The following TRMT13 variants were observed in gnomAD, a reference collection of about 807,000 sequenced individuals.
The protein encoded by TRMT13 is tRNA:m(4)X modification enzyme TRM13 homolog.
A neutral mutation model predicts 55.9 loss-of-function variants in TRMT13; 45 were observed. The observed-to-expected ratio is 0.80, with a 90% CI of 0.63 to 1.03. The LOEUF (loss-of-function observed/expected upper bound fraction) is 1.03, where lower values mean the gene tolerates loss of function less well. TRMT13 is among the 50% of genes least tolerant of loss of function. The probability of loss-of-function intolerance (pLI) is 0.00; values close to 1 mark genes in which losing one functional copy is unlikely to be tolerated. For synonymous variants in TRMT13, 183 were observed against 196.3 expected (o/e 0.93, Z 0.57); for missense variants, 513 against 563.9 (o/e 0.91, Z 0.91).
At position 100,149,363 on chromosome 1, in the gene TRMT13, C is replaced by A; in HGVS notation, c.*543C>A. On this transcript the variant is annotated 3_prime_UTR_variant, in exon 11 of 11. Transcript: ENST00000370141. ...AATAAACACAATTAATTAATGAAGT[C>A]ACCTTCAAATTTCCAGAGCCATACA... 6.5e-7 allele frequency: 1 copy of A among 1,543,324 alleles called. No individual in the cohort carries two copies. The highest frequency in any genetic ancestry group is 1.2e-5 in the South Asian group (1 of 81,582).
intron 1 of TRMT13, among the ~76,000 whole-genome samples, chr1:100,135,724 T>C (rs1001554546): frequency 2.6e-5 from 4 of 152,204 alleles, no homozygotes; most frequent in Non-Finnish European, 5.9e-5. Context: ...TTAACTGTTA[T>C]ATGACCCCTA....
intron 7 of TRMT13, among the ~76,000 whole-genome samples, chr1:100,142,585 G>A (rs1039958309): frequency 8.5e-5 from 13 of 152,190 alleles, no homozygotes; most frequent in African/African-American, 3.1e-4. Context: ...AGGAATGAAG[G>A]AGGCACAAGA....
chr1:100,133,311 C>T lies in TRMT13; in HGVS notation c.143C>T (p.Ala48Val), dbSNP rs687513. 0.84 allele frequency: 1,352,917 copies of T among 1,612,780 alleles called. 574,372 individuals are homozygous for T. The highest frequency in any genetic ancestry group is 0.94 in the East Asian group (42,306 of 44,784). Residue 48 changes from alanine to valine, a missense_variant, in exon 1 of 11, where the codon GCG becomes GTG. By Grantham distance (64) the Ala-to-Val change is moderately conservative. This residue lies in a region of TRMT13 where 298 missense variants were observed against 290.3 expected (regional missense o/e 1.03). Transcript: ENST00000370141. The part of the protein sequence containing the change: ...KRFCGEHAGA[A>V]EEEDARKRIL... ...TTTTGTGGTGAACACGCTGGAGCCG[C>T]GGAGGTGTGGTATCGCCCTACTCTC...
At chr1:100,136,818 T>G in intron 1 of TRMT13, 64 bp from the exon 2 acceptor site, 1 of 1,332,088 alleles carries the variant, frequency 7.5e-7, no homozygotes, top group Non-Finnish European at 1.0e-6. Context: ...TGAAGTTATA[T>G]CTGGTATCTG....
At chr1:100,143,939 T>G in intron 8 of TRMT13, 130 bp from the exon 9 acceptor site, 1 of 707,716 alleles carries the variant, frequency 1.4e-6, no homozygotes. Flanking sequence ...TTGGGTTCCA[T>G]AAAGTGATAA....
Position 100,148,255 on chromosome 1 carries a change from G to A in TRMT13, c.1179G>A (p.Gln393=). 6.2e-7 allele frequency: 1 copy of A among 1,614,158 alleles called. No homozygotes were observed. The highest frequency in any genetic ancestry group is 8.5e-7 in the Non-Finnish European group (1 of 1,180,026). The change falls in exon 10 of 11, where the codon CAG becomes CAA. Residue 393 remains glutamine (Q), a synonymous_variant. Transcript: ENST00000370141. ...GTACCACAAAGAGGCAAGATAATCA[G>A]AATGATGATAGTGAAGAGCATGATG... ...SNSTTKRQDN[Q]NDDSEEHDDG...
chr1:100,141,070 T>C (rs772078189), intron 7 of TRMT13, 51 bp downstream of exon 7: 18 of 1,457,154 alleles, frequency 1.2e-5, no homozygotes, highest in Non-Finnish European at 1.6e-5. Context: ...TTTCATTTTT[T>C]GTATTCAGGA....
Position 100,133,203 on chromosome 1 carries a change from G to T in TRMT13, c.35G>T (p.Gly12Val). ...TCCGCGACGTCGCCGCACGCGCCTG[G>T]TTTTCCAGCTGAGGGTAGATGCGGT... Reference protein sequence around the residue: ...ATSATSPHAPGFPAEGRCGYY... With the variant: ...ATSATSPHAPVFPAEGRCGYY... The change falls in exon 1 of 11, where the codon GGT (glycine) becomes GTT (valine). Residue 12 changes from glycine to valine, a missense_variant. Coordinates refer to ENST00000370141, the MANE Select transcript of TRMT13 (RefSeq NM_019083.3). The T allele has an allele frequency of 6.2e-7, 1 of 1,614,180 alleles. No homozygotes were observed. Among genetic ancestry groups the T allele is most frequent in the Non-Finnish European group, 8.5e-7 (1 of 1,180,024 alleles).
chr1:100,146,107 A>T (rs372999436), intron 9 of TRMT13, among the ~76,000 whole-genome samples: 1 of 152,022 alleles, frequency 6.6e-6, no homozygotes, highest in South Asian at 2.1e-4. Context: ...TTTCACCCCC[A>T]TTCACCTACT....
At chr1:100,143,252 C>A in intron 8 of TRMT13, 43 bp downstream of exon 8, 2 of 1,300,606 alleles carry the variant, frequency 1.5e-6, no homozygotes, top group Non-Finnish European at 1.1e-6. Flanking sequence ...TAAATCATAA[C>A]TGTTTTAAAC....
intron 1 of TRMT13, among the ~76,000 whole-genome samples, chr1:100,133,786 C>T (rs1466047326): frequency 6.6e-6 from 1 of 152,180 alleles, no homozygotes; most frequent in South Asian, 2.1e-4. Context: ...TGGCTCACGC[C>T]TGTAATCCCA....
chr1:100,149,865 A>C lies in TRMT13; in HGVS notation c.*1045A>C, dbSNP rs1338308815. On this transcript the variant is annotated 3_prime_UTR_variant, in exon 11 of 11. Coordinates refer to ENST00000370141, the MANE Select transcript of TRMT13 (RefSeq NM_019083.3). ...CCAAGACAAAGGTTCAGAATTACTAATTTTAGATATTATGATATTCTGAAA... is the reference window on the plus strand; with the variant it reads ...CCAAGACAAAGGTTCAGAATTACTACTTTTAGATATTATGATATTCTGAAA... 6.5e-6 allele frequency: 1 copy of C among 154,692 alleles called. No individual in the cohort carries two copies. Among genetic ancestry groups the C allele is most frequent in the African/African-American group, 2.4e-5 (1 of 41,468 alleles). 9.6% of individuals were successfully genotyped at this position (154,692 alleles called of 1,614,324 possible).
chr1:100,133,276 A>C lies in TRMT13; in HGVS notation c.108A>C (p.Ala36=), dbSNP rs1655275146. The C allele has an allele frequency of 6.2e-7, 1 of 1,613,898 alleles. No individual in the cohort carries two copies. Among genetic ancestry groups the C allele is most frequent in the Non-Finnish European group, 8.5e-7 (1 of 1,179,944 alleles). Residue 36 remains alanine (A), a synonymous_variant, in exon 1 of 11, where the codon GCA becomes GCC. Transcript: ENST00000370141. ...GGTTCTGCAGGATGGTGGTGGCCGCAGGGAAAAGATTTTGTGGTGAACACG... is the reference window on the plus strand; with the variant it reads ...GGTTCTGCAGGATGGTGGTGGCCGCCGGGAAAAGATTTTGTGGTGAACACG... ...KKRFCRMVVA[A]GKRFCGEHAG...
Position 100,149,405 on chromosome 1 carries a change from A to G in TRMT13, c.*585A>G, listed in dbSNP as rs1233490562. 4.5e-6 allele frequency: 7 copies of G among 1,545,718 alleles called. No homozygotes were observed. Among genetic ancestry groups the G allele is most frequent in the African/African-American group, 1.4e-5 (1 of 72,906 alleles). On this transcript the variant is annotated 3_prime_UTR_variant, in exon 11 of 11. Transcript: ENST00000370141. Reference sequence around the variant, plus strand: ...AGCCATACATGTATATATTGTCAGAATCTGTCCATGACAAACACAAAACTG... The same window carrying G: ...AGCCATACATGTATATATTGTCAGAGTCTGTCCATGACAAACACAAAACTG...
In TRMT13 at chr1:100,133,274, G is replaced by A. The variant is rs747321401; in HGVS notation, c.106G>A (p.Ala36Thr). 2 of 1,614,012 alleles carry A rather than the reference G, an allele frequency of 1.2e-6. No individual in the cohort carries two copies. Among genetic ancestry groups the A allele is most frequent in the East Asian group, 2.2e-5 (1 of 44,876 alleles). Residue 36 changes from alanine to threonine, a missense_variant, in exon 1 of 11, where the codon GCA becomes ACA. Ala to Thr is a moderately conservative substitution (Grantham distance 58). This residue lies in a region of TRMT13 where 298 missense variants were observed against 290.3 expected (regional missense o/e 1.03). Coordinates refer to ENST00000370141, the MANE Select transcript of TRMT13 (RefSeq NM_019083.3). Reference sequence around the variant, plus strand: ...ACGGTTCTGCAGGATGGTGGTGGCCGCAGGGAAAAGATTTTGTGGTGAACA... The same window carrying A: ...ACGGTTCTGCAGGATGGTGGTGGCCACAGGGAAAAGATTTTGTGGTGAACA... ...KKRFCRMVVA[A>T]GKRFCGEHAG...
chr1:100,140,367 A>G, intron 5 of TRMT13, 41 bp from the exon 6 acceptor site: 2 of 1,581,714 alleles, frequency 1.3e-6, no homozygotes, highest in Non-Finnish European at 8.7e-7. Context: ...CTACAATTAC[A>G]TGTTTGGCTG....
chr1:100,137,710 CAT>C (rs1449392358), intron 3 of TRMT13, among the ~76,000 whole-genome samples: 2 of 152,172 alleles, frequency 1.3e-5, no homozygotes, highest in Non-Finnish European at 1.5e-5. Flanking sequence ...TTCTAAGACT[CAT>C]AGAAAATCGA....
chr1:100,133,455 T>G, intron 1 of TRMT13, 140 bp downstream of exon 1: 1 of 1,081,678 alleles, frequency 9.2e-7, no homozygotes, highest in Middle Eastern at 3.1e-4. Flanking sequence ...ATAAACCCAG[T>G]TTTGCCCTCC....
intron 7 of TRMT13, among the ~76,000 whole-genome samples, chr1:100,141,489 C>T (rs978364538): frequency 4.6e-5 from 7 of 152,068 alleles, no homozygotes; most frequent in African/African-American, 1.7e-4. Context: ...GCCACCATGC[C>T]CAGGTAATTT....
Sources: gnomAD v4.1 joint callset for allele counts (sites outside exome capture counted in the v4.1 genomes callset) on GRCh38, gnomAD v4.1.1 for gene constraint, gnomAD v4.1.1 regional missense constraint, MANE v1.5 for transcripts, NCBI Gene and HGNC (gene_info 2026-07-23, HGNC 2026-07-21) for gene names.